CPEB4: variants seen among roughly 807,000 people sequenced by gnomAD.
CPEB4 encodes cytoplasmic polyadenylation element binding protein 4.
CPEB4 carries 12 observed loss-of-function variants against 72.5 expected under a neutral mutation model. That is an observed-to-expected ratio of 0.17 (90% CI 0.11 to 0.27). CPEB4 has a LOEUF of 0.27. Among genes scored for constraint, CPEB4 ranks in the 10% least tolerant of loss-of-function variants. The pLI, the probability that CPEB4 is intolerant of heterozygous loss-of-function variation, is 1.00. For missense variants in CPEB4, 614 were observed against 908.5 expected, an observed-to-expected ratio of 0.68 and a Z score of 4.17; for synonymous variants, 302 against 326.3, an observed-to-expected ratio of 0.93 and a Z score of 0.80.
chr5:173,905,690 G>A (rs945719926), intron 1 of CPEB4, among the ~76,000 whole-genome samples: 4 of 152,106 alleles, frequency 2.6e-5, no homozygotes, highest in Non-Finnish European at 5.9e-5. Context: ...CTTTTTGTGG[G>A]CAAAAGTGAT....
chr5:173,928,446 G>A (rs960809610), intron 2 of CPEB4, among the ~76,000 whole-genome samples: 5 of 152,162 alleles, frequency 3.3e-5, no homozygotes, highest in Non-Finnish European at 7.4e-5. Flanking sequence ...CCATTCTGCT[G>A]TGAACCTAAA....
At chr5:173,903,677 T>A (rs1439092554) in intron 1 of CPEB4, among the ~76,000 whole-genome samples, 1 of 152,222 alleles carries the variant, frequency 6.6e-6, no homozygotes, top group Non-Finnish European at 1.5e-5. Context: ...TTTTGGTCTG[T>A]GGCATAATTA....
rs72812836 is a variant in CPEB4, at chr5:173,947,238, G to A, written c.1456+2098G>A. On this transcript the variant is annotated intron_variant, in intron 5 of 9. Coordinates refer to ENST00000265085, the MANE Select transcript of CPEB4 (RefSeq NM_030627.4). ...CCAAATGTATAATGTAGCATAATTT[G>A]TATCATTTAAATTGCAAAATGTGGT... Among the ~76,000 whole-genome samples the A allele has an allele frequency of 3.6e-3, 549 of 152,190 alleles. 6 individuals are homozygous for A. The highest frequency in any genetic ancestry group is 6.5e-3 in the Non-Finnish European group (442 of 68,000).
rs147958320 is a variant in CPEB4, at chr5:173,955,220, T to C, written c.1963-690T>C. Among the ~76,000 whole-genome samples the C allele has an allele frequency of 1.3e-5, 2 of 152,336 alleles. No homozygotes were observed. Among genetic ancestry groups the C allele is most frequent in the East Asian group, 1.9e-4 (1 of 5,188 alleles). ...AAGGTTCACATGACAGGTTGGCCGA[T>C]AGAACGCTGGAACAGGCCCAGTTTT... On this transcript the variant is annotated intron_variant, in intron 9 of 9. Transcript: ENST00000265085. This position sits in a 1 kb window ranked among gnomAD's most constrained non-coding sequence, Gnocchi z 4.7.
Position 173,958,528 on chromosome 5 carries a change from G to A in CPEB4, c.*2391G>A, listed in dbSNP as rs1187190638. The A allele has an allele frequency of 2.6e-5, 4 of 152,350 alleles. No homozygotes were observed. The highest frequency in any genetic ancestry group is 1.3e-4 in the Admixed American group (2 of 15,206). The allele number at this position is 152,350 out of a possible 1,614,324, so 9.4% of individuals were successfully genotyped here. On this transcript the variant is annotated 3_prime_UTR_variant, in exon 10 of 10. Transcript: ENST00000265085. ...TTTAAATTATGAATGTCGTGCACTG[G>A]CAATGCTATTTTAGAGTCTGCAGAG...
intron 2 of CPEB4, among the ~76,000 whole-genome samples, chr5:173,915,278 C>T (rs1027155990): frequency 2.6e-5 from 4 of 151,976 alleles, no homozygotes; most frequent in Non-Finnish European, 5.9e-5. Context: ...GAGTACATAG[C>T]TTTCATAATT....
At position 173,955,964 on chromosome 5, in the gene CPEB4, G is replaced by T; in HGVS notation, c.2017G>T (p.Ala673Ser). The T allele has an allele frequency of 6.2e-7, 1 of 1,614,114 alleles. No individual in the cohort carries two copies. The highest frequency in any genetic ancestry group is 8.5e-7 in the Non-Finnish European group (1 of 1,179,982). Reference protein sequence around the residue: ...DDQLCDECQGARCGGKFAPFF... With the variant: ...DDQLCDECQGSRCGGKFAPFF... The stretch of plus-strand genomic sequence containing the variant: ...TCAGCTGTGTGATGAATGTCAGGGG[G>T]CCCGTTGTGGGGGGAAATTTGCTCC... Residue 673 changes from alanine to serine, a missense_variant, in exon 10 of 10, where the codon GCC becomes TCC. Ala to Ser is a moderately conservative substitution (Grantham distance 99). Coordinates refer to ENST00000265085, the MANE Select transcript of CPEB4 (RefSeq NM_030627.4). The surrounding 1 kb of genome is among the most constrained non-coding windows in gnomAD (Gnocchi z 4.7).
At chr5:173,914,988 G>A (rs570682034) in intron 2 of CPEB4, among the ~76,000 whole-genome samples, 12 of 151,946 alleles carry the variant, frequency 7.9e-5, no homozygotes, top group South Asian at 4.2e-4. Flanking sequence ...TGTTTAATAC[G>A]GCCTAAAATT....
At chr5:173,915,741 T>C (rs1399898659) in intron 2 of CPEB4, among the ~76,000 whole-genome samples, 1 of 152,226 alleles carries the variant, frequency 6.6e-6, no homozygotes, top group Non-Finnish European at 1.5e-5. Flanking sequence ...TATCTTATTG[T>C]TATGCATGTT....
chr5:173,925,183 G>C (rs1757202015), intron 2 of CPEB4, among the ~76,000 whole-genome samples: 1 of 152,192 alleles, frequency 6.6e-6, no homozygotes, highest in Admixed American at 6.5e-5. Flanking sequence ...GATGTGGGAA[G>C]GGAAATGGCA....
chr5:173,916,499 G>A (rs866004267), intron 2 of CPEB4, among the ~76,000 whole-genome samples: 4 of 152,080 alleles, frequency 2.6e-5, no homozygotes, highest in African/African-American at 7.2e-5. Context: ...TTCATGCATC[G>A]CTTTATTTTA....
chr5:173,896,694 G>A (rs569269592), intron 1 of CPEB4, among the ~76,000 whole-genome samples: 18 of 152,254 alleles, frequency 1.2e-4, no homozygotes, highest in East Asian at 3.9e-4. Context: ...TAAAAATTTT[G>A]TCTCTAAACT....
rs1758195280 is a variant in CPEB4, at chr5:173,950,921, C to T, written c.1665+843C>T. ...GAGCAACTGGCATGTTTTGATGACT[C>T]TGGCAAAGCAGCAGTTTATTATCAC... On this transcript the variant is annotated intron_variant, in intron 7 of 9. Coordinates refer to ENST00000265085, the MANE Select transcript of CPEB4 (RefSeq NM_030627.4). The surrounding 1 kb of genome is among the most constrained non-coding windows in gnomAD (Gnocchi z 5.0). Among the ~76,000 whole-genome samples the T allele has an allele frequency of 6.6e-6, 1 of 152,162 alleles. No individual in the cohort carries two copies. The highest frequency in any genetic ancestry group is 6.5e-5 in the Admixed American group (1 of 15,282).
intron 3 of CPEB4, among the ~76,000 whole-genome samples, chr5:173,938,262 G>C (rs1205265412): frequency 3.3e-5 from 5 of 152,136 alleles, no homozygotes; most frequent in African/African-American, 1.2e-4. Context: ...ATCTCGCTCT[G>C]TTGCCCAGGC....
intron 3 of CPEB4, among the ~76,000 whole-genome samples, 154 bp downstream of exon 3, chr5:173,932,654 C>T (rs944718996): frequency 6.6e-6 from 1 of 152,164 alleles, no homozygotes; most frequent in Non-Finnish European, 1.5e-5. Context: ...TTTTAGCTCA[C>T]AATTGTGGCA....
At chr5:173,940,611 A>G (rs1314703499) in intron 3 of CPEB4, among the ~76,000 whole-genome samples, 1 of 152,234 alleles carries the variant, frequency 6.6e-6, no homozygotes, top group Non-Finnish European at 1.5e-5. Context: ...CAATTTGTAG[A>G]AAATTCATTG....
intron 5 of CPEB4, among the ~76,000 whole-genome samples, chr5:173,945,482 T>C (rs1757987425): frequency 1.3e-5 from 2 of 152,088 alleles, no homozygotes; most frequent in Admixed American, 1.3e-4. Flanking sequence ...GTATTTTCCT[T>C]TTTCCCCCCA....
intron 7 of CPEB4, among the ~76,000 whole-genome samples, chr5:173,951,531 A>C (rs1241337026): frequency 6.6e-6 from 1 of 152,232 alleles, no homozygotes; most frequent in Non-Finnish European, 1.5e-5. Context: ...GACAGACTAA[A>C]GGCCCAAATA....
At chr5:173,938,893 A>C (rs1757726440) in intron 3 of CPEB4, among the ~76,000 whole-genome samples, 1 of 152,232 alleles carries the variant, frequency 6.6e-6, no homozygotes, top group African/African-American at 2.4e-5. Context: ...AATAATAATA[A>C]ATTCAAATGG....
Sources: allele counts gnomAD v4.1 joint callset (sites outside exome capture counted in the v4.1 genomes callset), GRCh38; gene constraint gnomAD v4.1.1; non-coding constraint Gnocchi (gnomAD v3.1); transcripts MANE v1.5; gene names NCBI Gene and HGNC (gene_info 2026-07-23, HGNC 2026-07-21).